EQTN: variants seen among roughly 807,000 people sequenced by gnomAD.
EQTN encodes equatorin, also known as Acrosome formation associated factor.
EQTN carries 29 observed loss-of-function variants against 26.9 expected under a neutral mutation model. The observed-to-expected ratio is 1.08, with a 90% CI of 0.80 to 1.47. EQTN has a LOEUF of 1.47. Ranked by LOEUF, EQTN falls within the 40% of genes most tolerant of loss-of-function variation. The pLI, the probability that EQTN is intolerant of heterozygous loss-of-function variation, is 0.00. For missense variants in EQTN, 391 were observed against 346.1 expected (o/e 1.13, Z -1.03); for synonymous variants, 129 against 120.0 (o/e 1.07, Z -0.49).
At chr9:27,288,590 T>A (rs1206102903) in intron 6 of EQTN, among the ~76,000 whole-genome samples, 1 of 152,202 alleles carries the variant, frequency 6.6e-6, no homozygotes, top group East Asian at 1.9e-4. Flanking sequence ...GCTTTTTTCA[T>A]AATTGCCAAA....
rs180755350 is a variant in EQTN at position 27,287,960 on chromosome 9, C to T, written c.482-1598G>A. Among the ~76,000 whole-genome samples the T allele has an allele frequency of 2.0e-4, 31 of 152,186 alleles. No homozygotes were observed. The East Asian group carries it at 5.2e-3, about 26-fold the overall frequency. On this transcript the variant is annotated intron_variant, in intron 6 of 7. Transcript: ENST00000380032. ...CTGGGATTACAGGTACCCAACACCA[C>T]GCCTGGCTAATTTTTTGGTATTTTT...
rs369200331 is a variant in EQTN, at chr9:27,297,099, C to T, written c.-44G>A. On this transcript the variant is annotated 5_prime_UTR_variant, in exon 1 of 8. Coordinates refer to ENST00000380032, the MANE Select transcript of EQTN (RefSeq NM_020641.3). ...TATCCAGTAATCTAGTGCGTCTACCCAGAGCCTCCTTTCTGTGGCCCAGCA... is the reference window on the plus strand; with the variant it reads ...TATCCAGTAATCTAGTGCGTCTACCTAGAGCCTCCTTTCTGTGGCCCAGCA... 9 of 1,402,266 alleles carry T rather than the reference C, an allele frequency of 6.4e-6. No individual in the cohort carries two copies. The African/African-American group carries it at 1.3e-4, about 20-fold the overall frequency. 86.9% of individuals were successfully genotyped at this position (1,402,266 alleles called of 1,614,324 possible).
intron 6 of EQTN, among the ~76,000 whole-genome samples, chr9:27,289,098 G>T (rs4879357): frequency 0.096 from 14,623 of 152,190 alleles, 873 homozygotes; most frequent in Admixed American, 0.16. Flanking sequence ...TGAGGAGGGT[G>T]AAATATGGAA....
At chr9:27,289,117 C>T (rs1054784593) in intron 6 of EQTN, among the ~76,000 whole-genome samples, 4 of 152,104 alleles carry the variant, frequency 2.6e-5, no homozygotes, top group South Asian at 2.1e-4. Flanking sequence ...AAATTCTGTA[C>T]GTTCTGCCAA....
intron 6 of EQTN, 80 bp from the exon 7 acceptor site, chr9:27,286,442 A>G: frequency 7.2e-7 from 1 of 1,382,052 alleles, no homozygotes; most frequent in East Asian, 2.5e-5. Context: ...AAGCAAATAC[A>G]GAGAAGCAAG....
In EQTN at chr9:27,289,725, T is replaced by C. The variant is rs751664261; in HGVS notation, c.428A>G (p.Asn143Ser). 18 of 1,602,144 alleles carry C rather than the reference T, an allele frequency of 1.1e-5. No individual in the cohort carries two copies. The highest frequency in any genetic ancestry group is 1.5e-5 in the Non-Finnish European group (18 of 1,173,522). The stretch of plus-strand genomic sequence containing the variant: ...ATCATCCATGACCACTGCTGTTCCA[T>C]TTATAGCTGTTAAAACAAATTGGGG... ...AFWTMLAKAINGTAVVMDDKD... is the reference protein window; with the variant it reads ...AFWTMLAKAISGTAVVMDDKD... Residue 143 changes from asparagine to serine, a missense_variant, in exon 6 of 8, where the codon AAT becomes AGT. By Grantham distance (46) the Asn-to-Ser change is conservative. Transcript: ENST00000380032.
At chr9:27,290,261 CACTT>C (rs1296658276) in intron 5 of EQTN, among the ~76,000 whole-genome samples, 1 of 152,102 alleles carries the variant, frequency 6.6e-6, no homozygotes, top group Non-Finnish European at 1.5e-5. Context: ...GCAAAAATGA[CACTT>C]ATTTACAGAA....
intron 1 of EQTN, 53 bp from the exon 2 acceptor site, chr9:27,296,791 T>C (rs1820354756): frequency 6.3e-7 from 1 of 1,581,394 alleles, no homozygotes; most frequent in Non-Finnish European, 8.5e-7. Context: ...TTTCTTTTAC[T>C]GCTTTCTTTT....
chr9:27,286,468 A>G, intron 6 of EQTN, 106 bp from the exon 7 acceptor site: 1 of 1,100,974 alleles, frequency 9.1e-7, no homozygotes, highest in Non-Finnish European at 1.3e-6. Flanking sequence ...CACCATCCAG[A>G]GTATTAACTG....
intron 2 of EQTN, among the ~76,000 whole-genome samples, chr9:27,295,146 A>C (rs957213837): frequency 2.6e-5 from 4 of 152,242 alleles, no homozygotes; most frequent in Non-Finnish European, 5.9e-5. Context: ...TGTACATGGG[A>C]AAAACTGCAC....
At chr9:27,293,013 G>A (rs949963108) in intron 3 of EQTN, among the ~76,000 whole-genome samples, 5 of 152,170 alleles carry the variant, frequency 3.3e-5, no homozygotes, top group African/African-American at 1.2e-4. Flanking sequence ...GGTCCCTCTA[G>A]AGGAATGTCA....
intron 2 of EQTN, among the ~76,000 whole-genome samples, chr9:27,295,585 G>GA (rs201263345): frequency 0.094 from 14,244 of 152,176 alleles, 904 homozygotes; most frequent in East Asian, 0.23. Flanking sequence ...TGTAATCCCA[G>GA]CACTTTGGGA....
At chr9:27,293,635 T>C (rs1046284055) in intron 3 of EQTN, among the ~76,000 whole-genome samples, 4 of 152,200 alleles carry the variant, frequency 2.6e-5, no homozygotes, top group African/African-American at 9.7e-5. Context: ...ATAACTCATA[T>C]CCTAAGGGAA....
At chr9:27,289,830 T>A in intron 5 of EQTN, 99 bp from the exon 6 acceptor site, 1 of 875,464 alleles carries the variant, frequency 1.1e-6, no homozygotes, top group Non-Finnish European at 1.7e-6. Context: ...CCAGTGTGTG[T>A]ACAGTCTGTT....
chr9:27,289,415 T>C (rs1476424202), intron 6 of EQTN, among the ~76,000 whole-genome samples: 7 of 152,192 alleles, frequency 4.6e-5, no homozygotes, highest in African/African-American at 1.7e-4. Context: ...TAAGAGTATT[T>C]ATGTGTCTAT....
At position 27,286,171 on chromosome 9, in the gene EQTN, G is replaced by A. The variant is rs768659477; in HGVS notation, c.635+38C>T. Reference sequence around the variant, plus strand: ...GAGGAGGGAGAGAATGCGATGTCATGCATTTGTTGTAAAGACTGCAGAGGT... The same window carrying A: ...GAGGAGGGAGAGAATGCGATGTCATACATTTGTTGTAAAGACTGCAGAGGT... On this transcript the variant is annotated intron_variant, in intron 7 of 7. Coordinates refer to ENST00000380032, the MANE Select transcript of EQTN (RefSeq NM_020641.3). 5 of 1,597,410 alleles carry A rather than the reference G, an allele frequency of 3.1e-6. No homozygotes were observed. The South Asian group carries it at 3.3e-5, about 11-fold the overall frequency.
chr9:27,291,447 A>G (rs1264175712), intron 4 of EQTN, among the ~76,000 whole-genome samples: 1 of 152,228 alleles, frequency 6.6e-6, no homozygotes, highest in Non-Finnish European at 1.5e-5. Flanking sequence ...ACAAGGTGAG[A>G]GCGAGCTCAT....
In EQTN at chr9:27,297,006, C is replaced by T. The variant is rs1563834074; in HGVS notation, c.50G>A (p.Ser17Asn). ...TTCAATAGTAGGCTTCAAAGTGCTA[C>T]TTTTTAAGGAAAAAACTCCAGGTAT... ...IFIPGVFSLK[S>N]STLKPTIEAL... The change falls in exon 1 of 8, where the codon AGT becomes AAT. Residue 17 changes from serine to asparagine, a missense_variant. Ser to Asn is a conservative substitution (Grantham distance 46, BLOSUM62 1). Coordinates refer to ENST00000380032, the MANE Select transcript of EQTN (RefSeq NM_020641.3). 1 of 1,611,322 alleles carries T rather than the reference C, an allele frequency of 6.2e-7. No homozygotes were observed. The highest frequency in any genetic ancestry group is 1.1e-5 in the South Asian group (1 of 90,776).
At chr9:27,291,292 A>G (rs1188189276) in intron 4 of EQTN, among the ~76,000 whole-genome samples, 2 of 152,206 alleles carry the variant, frequency 1.3e-5, no homozygotes, top group Non-Finnish European at 2.9e-5. Flanking sequence ...ATTGCTGCTT[A>G]TGTAGCAGAT....
Sources: gnomAD v4.1 joint callset for allele counts (sites outside exome capture counted in the v4.1 genomes callset) on GRCh38, gnomAD v4.1.1 for gene constraint, MANE v1.5 for transcripts, NCBI Gene and HGNC (gene_info 2026-07-23, HGNC 2026-07-21) for gene names.